Variants in KDM4C observed in about 807,000 individuals in gnomAD.
KDM4C encodes the protein lysine demethylase 4C, also known as lysine-specific demethylase 4C.
Under a neutral mutation model 129.3 loss-of-function variants are expected in KDM4C, and 81 were observed. The observed-to-expected ratio is 0.63, with a 90% CI of 0.52 to 0.75. KDM4C has a LOEUF of 0.75. Ranked by LOEUF, KDM4C falls within the 30% of genes least tolerant of loss-of-function variation. KDM4C has a pLI of 0.00. For synonymous variants in KDM4C, 573 were observed against 456.1 expected (o/e 1.26, Z -3.26); for missense variants, 1,457 against 1,304.0 (o/e 1.12, Z -1.81).
chr9:6,888,989 C>T lies in KDM4C; in HGVS notation c.783+926C>T, dbSNP rs1422643972. ...ATTTTTAGTAGAGACGGGGTTTCAC[C>T]GTTTTAGCCGGGATGGCCTCGATCT... On this transcript the variant is annotated intron_variant, in intron 7 of 21. Coordinates refer to ENST00000381309, the MANE Select transcript of KDM4C (RefSeq NM_015061.6). 3.6e-4 allele frequency among the ~76,000 whole-genome samples: 15 copies of T among 41,156 alleles called. 5 individuals are homozygous for T. The South Asian group carries it at 8.4e-3, about 23-fold the overall frequency. The allele number at this position is 41,156 out of a possible 152,430, so 27.0% of individuals were successfully genotyped here.
At chr9:6,990,595 A>T in intron 12 of KDM4C, 71 bp downstream of exon 12, 3 of 998,086 alleles carry the variant, frequency 3.0e-6, no homozygotes, top group Non-Finnish European at 4.5e-6. Flanking sequence ...TGTAAAAAAA[A>T]TTGCTGAATA....
intron 8 of KDM4C, among the ~76,000 whole-genome samples, chr9:6,906,325 C>T (rs1291542224): frequency 1.3e-5 from 2 of 152,088 alleles, no homozygotes; most frequent in Non-Finnish European, 2.9e-5. Context: ...TGTGGAAACT[C>T]CACAGGGTAA....
intron 19 of KDM4C, among the ~76,000 whole-genome samples, chr9:7,160,281 C>T (rs1316796175): frequency 6.6e-6 from 1 of 152,064 alleles, no homozygotes; most frequent in Non-Finnish European, 1.5e-5. Flanking sequence ...TTGAACATGC[C>T]TCTTTAGCTT....
chr9:6,849,521 G>C lies in KDM4C; in HGVS notation c.450G>C (p.Trp150Cys), dbSNP rs1838441735. Residue 150 changes from tryptophan (W) to cysteine (C), a missense_variant, in exon 5 of 22, where the codon TGG becomes TGC. Trp to Cys is a radical substitution (Grantham distance 215). Coordinates refer to ENST00000381309, the MANE Select transcript of KDM4C (RefSeq NM_015061.6). The stretch of plus-strand genomic sequence containing the variant: ...TCTCATTCCAGGGTGTGGATGAATG[G>C]AACATAGCTCGCCTCAATACAGTCT... ...GSIYDEGVDEWNIARLNTVLD... is the reference protein window; with the variant it reads ...GSIYDEGVDECNIARLNTVLD... 6.3e-7 allele frequency: 1 copy of C among 1,588,878 alleles called. No homozygotes were observed. The highest frequency in any genetic ancestry group is 2.3e-5 in the East Asian group (1 of 44,256).
chr9:6,817,206 C>CG (rs397707419), intron 4 of KDM4C, among the ~76,000 whole-genome samples: 1 of 129,806 alleles, frequency 7.7e-6, no homozygotes, highest in Non-Finnish European at 1.7e-5. Context: ...CCCCCCCCCC[C>CG]ACTTTTTTTT....
At chr9:7,025,917 C>T (rs1167782452) in intron 15 of KDM4C, among the ~76,000 whole-genome samples, 1 of 152,100 alleles carries the variant, frequency 6.6e-6, no homozygotes, top group Non-Finnish European at 1.5e-5. Context: ...GATTGAAAAA[C>T]TCCCAGGCTG....
intron 4 of KDM4C, chr9:6,834,769 G>A: frequency 5.8e-6 from 7 of 1,196,884 alleles, no homozygotes; most frequent in Admixed American, 1.7e-5. Flanking sequence ...CCATGCTGCT[G>A]ACCGAGGCCC....
chr9:6,764,273 T>C (rs1017648447), intron 1 of KDM4C, among the ~76,000 whole-genome samples: 1 of 152,220 alleles, frequency 6.6e-6, no homozygotes, highest in African/African-American at 2.4e-5. Context: ...GCATTAGATA[T>C]ATGTAGCATA....
chr9:6,775,453 G>A (rs1388025244), intron 1 of KDM4C, among the ~76,000 whole-genome samples: 1 of 152,016 alleles, frequency 6.6e-6, no homozygotes, highest in Non-Finnish European at 1.5e-5. Flanking sequence ...TAGTTCTTAT[G>A]AAAATGCTGT....
chr9:6,864,960 C>G (rs1841654679), intron 5 of KDM4C, among the ~76,000 whole-genome samples: 1 of 141,014 alleles, frequency 7.1e-6, no homozygotes. Context: ...CCCAAGATTT[C>G]TGTTTGATTT....
chr9:6,835,579 C>T (rs150798226), intron 4 of KDM4C: 16 of 976,408 alleles, frequency 1.6e-5, no homozygotes, highest in Non-Finnish European at 1.8e-5. Flanking sequence ...TGCTTCTAGG[C>T]GGACTGTGAC....
intron 12 of KDM4C, among the ~76,000 whole-genome samples, chr9:7,000,561 C>T (rs1230150851): frequency 6.6e-6 from 1 of 152,076 alleles, no homozygotes; most frequent in Non-Finnish European, 1.5e-5. Flanking sequence ...GAAAACTACC[C>T]AGGAACAGAT....
chr9:6,883,081 A>C (rs1175008266), intron 6 of KDM4C, among the ~76,000 whole-genome samples: 1 of 152,220 alleles, frequency 6.6e-6, no homozygotes, highest in African/African-American at 2.4e-5. Flanking sequence ...TGTCAAGAGA[A>C]TAGAAGAGCA....
intron 8 of KDM4C, among the ~76,000 whole-genome samples, chr9:6,957,199 C>T (rs995094593): frequency 6.6e-6 from 1 of 152,152 alleles, no homozygotes; most frequent in Admixed American, 6.5e-5. Context: ...GCAAATTCTC[C>T]CTGGCACACA....
At chr9:7,173,941 G>T (rs926363285) in intron 21 of KDM4C, among the ~76,000 whole-genome samples, 8 of 152,194 alleles carry the variant, frequency 5.3e-5, no homozygotes, top group African/African-American at 9.7e-5. Flanking sequence ...AGAGGAGAAG[G>T]CCCAGTGCCA....
At chr9:6,950,240 G>A (rs1827892979) in intron 8 of KDM4C, among the ~76,000 whole-genome samples, 1 of 152,122 alleles carries the variant, frequency 6.6e-6, no homozygotes, top group South Asian at 2.1e-4. Flanking sequence ...CTTTCCAGAG[G>A]TTTTATTGAT....
chr9:7,118,126 G>A (rs1839114060), intron 18 of KDM4C, among the ~76,000 whole-genome samples: 1 of 152,166 alleles, frequency 6.6e-6, no homozygotes, highest in African/African-American at 2.4e-5. Context: ...AAAAAAATTA[G>A]TTTTTTCTCA....
chr9:7,160,145 G>A (rs10976076), intron 19 of KDM4C, among the ~76,000 whole-genome samples: 2,519 of 152,098 alleles, frequency 0.017, 60 homozygotes, highest in African/African-American at 0.058. Flanking sequence ...TTGTGCGTGC[G>A]TCACAAAGTT....
chr9:7,011,556 A>T, intron 12 of KDM4C, 142 bp from the exon 13 acceptor site: 2 of 707,500 alleles, frequency 2.8e-6, no homozygotes, highest in Non-Finnish European at 2.4e-6. Context: ...TGGCTCTCTC[A>T]GGATGTATTT....
Sources: allele counts gnomAD v4.1 joint callset (sites outside exome capture counted in the v4.1 genomes callset), GRCh38; gene constraint gnomAD v4.1.1; transcripts MANE v1.5; gene names NCBI Gene and HGNC (gene_info 2026-07-23, HGNC 2026-07-21).